The following SCHIP1 variants were observed in gnomAD, a reference collection of about 807,000 sequenced individuals.
SCHIP1 encodes schwannomin interacting protein 1.
Under a neutral mutation model 29.7 loss-of-function variants are expected in SCHIP1, and 8 were observed. The observed-to-expected ratio is 0.27, with a 90% confidence interval of 0.16 to 0.49. SCHIP1 has a LOEUF of 0.49. Among genes scored for constraint, SCHIP1 ranks in the 20% least tolerant of loss-of-function variants. The probability of loss-of-function intolerance (pLI) is 0.99; values close to 1 mark genes in which losing one functional copy is unlikely to be tolerated. For synonymous variants in SCHIP1, 76 were observed against 94.9 expected, an observed-to-expected ratio of 0.80 and a Z score of 1.16; for missense variants, 193 against 294.6, an observed-to-expected ratio of 0.66 and a Z score of 2.52.
the SCHIP1 span, among the ~76,000 whole-genome samples, chr3:159,426,937 A>G: frequency 2.0e-5 from 3 of 152,246 alleles, no homozygotes; most frequent in African/African-American, 7.2e-5. Flanking sequence ...CAAAAACCAC[A>G]TGATTATCTC....
At chr3:159,530,400 A>G in the SCHIP1 span, among the ~76,000 whole-genome samples, 4 of 152,100 alleles carry the variant, frequency 2.6e-5, no homozygotes, top group South Asian at 2.1e-4. Context: ...CTTGACCACC[A>G]TATGGCACCA....
At chr3:159,370,352 T>A in the SCHIP1 span, among the ~76,000 whole-genome samples, 1 of 152,216 alleles carries the variant, frequency 6.6e-6, no homozygotes, top group African/African-American at 2.4e-5. Context: ...ACTTGCTTAA[T>A]TCCTTACTTA....
chr3:159,410,659 C>T, the SCHIP1 span, among the ~76,000 whole-genome samples: 1 of 152,044 alleles, frequency 6.6e-6, no homozygotes, highest in Non-Finnish European at 1.5e-5. Flanking sequence ...AAAAAGAATC[C>T]TTGTACACTG....
At chr3:159,388,382 T>C in the SCHIP1 span, among the ~76,000 whole-genome samples, 1 of 152,042 alleles carries the variant, frequency 6.6e-6, no homozygotes, top group Non-Finnish European at 1.5e-5. Flanking sequence ...ATGTAAAACC[T>C]AAATGAAGGG....
the SCHIP1 span, among the ~76,000 whole-genome samples, chr3:159,600,609 T>C: frequency 6.6e-6 from 1 of 152,248 alleles, no homozygotes; most frequent in Non-Finnish European, 1.5e-5. Flanking sequence ...TTTTTCAGAA[T>C]TCTTTTGTAT....
rs564441705 is a variant in SCHIP1 at position 159,895,406 on chromosome 3, A to G, written c.684-1317A>G. Among the ~76,000 whole-genome samples the G allele has an allele frequency of 2.0e-5, 3 of 152,350 alleles. No homozygotes were observed. The East Asian group carries it at 5.8e-4, about 29-fold the overall frequency. ...CTGACTACCCAAGTCCAGGCAGCAC[A>G]CACAAACTATTCCTAAACGTTTGAT... On this transcript the variant is annotated intron_variant, in intron 6 of 6. Coordinates refer to ENST00000445224, the Ensembl canonical transcript of SCHIP1.
At chr3:159,733,415 A>G in the SCHIP1 span, among the ~76,000 whole-genome samples, 1 of 152,198 alleles carries the variant, frequency 6.6e-6, no homozygotes, top group Non-Finnish European at 1.5e-5. Flanking sequence ...GAAACACTTG[A>G]TGGTCATTTT....
chr3:159,852,260 A>G (rs141933869), intron 1 of SCHIP1, among the ~76,000 whole-genome samples: 3 of 152,344 alleles, frequency 2.0e-5, no homozygotes, highest in East Asian at 3.9e-4. Context: ...ATTGACTAGT[A>G]TACTTGCTGC....
At chr3:159,510,073 G>T in the SCHIP1 span, among the ~76,000 whole-genome samples, 1 of 152,164 alleles carries the variant, frequency 6.6e-6, no homozygotes, top group Admixed American at 6.5e-5. Context: ...TTTCCAACTT[G>T]GTTCCATTCT....
the SCHIP1 span, among the ~76,000 whole-genome samples, chr3:159,729,154 G>GAAAAGAAAAGAAA: frequency 6.6e-6 from 1 of 151,278 alleles, no homozygotes; most frequent in Non-Finnish European, 1.5e-5. Flanking sequence ...CTAAAAAAAA[G>GAAAAGAAAAGAAA]AAAAGAAAAG....
chr3:159,745,972 G>A, the SCHIP1 span, among the ~76,000 whole-genome samples: 552 of 152,256 alleles, frequency 3.6e-3, 2 homozygotes, highest in African/African-American at 0.012. Flanking sequence ...GTCTTAAAAT[G>A]ATATGATATC....
At chr3:159,381,914 G>T in the SCHIP1 span, among the ~76,000 whole-genome samples, 2 of 152,094 alleles carry the variant, frequency 1.3e-5, no homozygotes. Flanking sequence ...CTGGATTTCT[G>T]TAATATCCTT....
At chr3:159,692,329 G>C in the SCHIP1 span, among the ~76,000 whole-genome samples, 190 of 152,236 alleles carry the variant, frequency 1.2e-3, no homozygotes, top group African/African-American at 4.5e-3. Flanking sequence ...TTTCCAACTT[G>C]GTTGATTCTC....
chr3:159,764,318 T>C, the SCHIP1 span: 1 of 1,176,706 alleles, frequency 8.5e-7, no homozygotes, highest in Non-Finnish European at 1.1e-6. The surrounding 1 kb of genome is among the most constrained non-coding windows in gnomAD (Gnocchi z 6.1). Flanking sequence ...CAGGCCTCCT[T>C]GGGGGACGCA....
chr3:159,331,866 G>T, the SCHIP1 span, among the ~76,000 whole-genome samples: 9 of 152,204 alleles, frequency 5.9e-5, no homozygotes, highest in East Asian at 5.8e-4. Context: ...ATAGCACAGG[G>T]TACTGCATGT....
At chr3:159,522,661 G>A in the SCHIP1 span, among the ~76,000 whole-genome samples, 1 of 152,174 alleles carries the variant, frequency 6.6e-6, no homozygotes, top group Non-Finnish European at 1.5e-5. Context: ...ACATGGTCAA[G>A]AGATTGAGAC....
intron 6 of SCHIP1, among the ~76,000 whole-genome samples, chr3:159,895,203 T>A (rs1717943236): frequency 6.6e-6 from 1 of 152,210 alleles, no homozygotes; most frequent in Non-Finnish European, 1.5e-5. Context: ...TGGAGAGCTA[T>A]CGATAAGGTA....
At chr3:159,366,668 G>C in the SCHIP1 span, among the ~76,000 whole-genome samples, 1 of 152,152 alleles carries the variant, frequency 6.6e-6, no homozygotes, top group Non-Finnish European at 1.5e-5. Flanking sequence ...CTCTAGACCT[G>C]TGACAGCACA....
the SCHIP1 span, among the ~76,000 whole-genome samples, chr3:159,743,975 A>T: frequency 6.6e-6 from 1 of 152,094 alleles, no homozygotes; most frequent in Non-Finnish European, 1.5e-5. Context: ...AAGAAGAAGC[A>T]CCCCCCAAAT....
Sources: allele counts gnomAD v4.1 joint callset (sites outside exome capture counted in the v4.1 genomes callset), GRCh38; gene constraint gnomAD v4.1.1; non-coding constraint Gnocchi (gnomAD v3.1); transcripts MANE v1.5; gene names NCBI Gene and HGNC (gene_info 2026-07-23, HGNC 2026-07-21).